GORASP1: variants seen among roughly 807,000 people sequenced by gnomAD.
GORASP1 encodes the protein Golgi reassembly-stacking protein 1.
Under a neutral mutation model 37.7 loss-of-function variants are expected in GORASP1, and 31 were observed. The ratio of observed to expected loss-of-function variants is 0.82; its 90% CI spans 0.62 to 1.11. The LOEUF (loss-of-function observed/expected upper bound fraction) is 1.11. GORASP1 is among the 50% of genes least tolerant of loss of function. The pLI is 0.00. For synonymous variants in GORASP1, 204 were observed against 224.8 expected, an observed-to-expected ratio of 0.91 and a Z score of 0.83; for missense variants, 476 against 560.7, an observed-to-expected ratio of 0.85 and a Z score of 1.53.
Position 39,103,410 on chromosome 3 carries a change from G to A in GORASP1, c.144+63C>T, listed in dbSNP as rs2035843836. ...GAAGGGTAGACTGGGGCCCCCTGTG[G>A]GACAGATGAAGACACACAAACACAC... On this transcript the variant is annotated intron_variant, in intron 2 of 8. Transcript: ENST00000319283. The surrounding 1 kb of genome is among the most constrained non-coding windows in gnomAD (Gnocchi z 5.2). The A allele has an allele frequency of 1.4e-6, 2 of 1,386,576 alleles. No individual in the cohort carries two copies. Among genetic ancestry groups the A allele is most frequent in the Admixed American group, 2.0e-5 (1 of 50,424 alleles). The allele number at this position is 1,386,576 out of a possible 1,614,324, so 85.9% of individuals were successfully genotyped here.
chr3:39,104,476 T>G (rs2035913110), intron 1 of GORASP1, among the ~76,000 whole-genome samples: 1 of 152,098 alleles, frequency 6.6e-6, no homozygotes, highest in Non-Finnish European at 1.5e-5. Flanking sequence ...GCCCACACCC[T>G]CAGGTCTTTG....
At position 39,098,915 on chromosome 3, in the gene GORASP1, C is replaced by T; in HGVS notation, c.917-22G>A. ...AAGCCTAGGGGAGGGTGGTGCAGTT[C>T]TTTGCCAGCAAGAAACCCTGACTGC... On this transcript the variant is annotated intron_variant, in intron 7 of 8. Transcript: ENST00000319283. This position sits in a 1 kb window ranked among gnomAD's most constrained non-coding sequence, Gnocchi z 4.7. 6.2e-7 allele frequency: 1 copy of T among 1,612,668 alleles called. No homozygotes were observed. Among genetic ancestry groups the T allele is most frequent in the African/African-American group, 1.3e-5 (1 of 75,032 alleles).
In GORASP1 at chr3:39,098,333, G is replaced by A. The variant is rs369696407; in HGVS notation, c.1226C>T (p.Ala409Val). The A allele has an allele frequency of 5.1e-5, 82 of 1,614,108 alleles. No homozygotes were observed. The highest frequency in any genetic ancestry group is 6.9e-5 in the Non-Finnish European group (82 of 1,180,048). Residue 409 changes from alanine to valine, a missense_variant, in exon 9 of 9, where the codon GCT becomes GTT. Coordinates refer to ENST00000319283, the MANE Select transcript of GORASP1 (RefSeq NM_031899.4). This position sits in a 1 kb window ranked among gnomAD's most constrained non-coding sequence, Gnocchi z 4.7. Reference sequence around the variant, plus strand: ...GCTTGCTGGTTCCTCCTCAGCCTGAGCTTCAAGCAGCTCGGCGGACAGCCC... The same window carrying A: ...GCTTGCTGGTTCCTCCTCAGCCTGAACTTCAAGCAGCTCGGCGGACAGCCC... Reference protein sequence around the residue: ...EDGLSAELLEAQAEEEPASTE... With the variant: ...EDGLSAELLEVQAEEEPASTE...
rs570177373 is a variant in GORASP1, at chr3:39,097,490, G to A, written c.*746C>T. 6.6e-6 allele frequency: 1 copy of A among 152,416 alleles called. No homozygotes were observed. The highest frequency in any genetic ancestry group is 2.1e-4 in the South Asian group (1 of 4,830). 9.4% of individuals were successfully genotyped at this position (152,416 alleles called of 1,614,324 possible). ...TGGATAGACCTAGTCAGGTAGACTGGCTTTGAGAAATTGCTTAGGGTGTTG... is the reference window on the plus strand; with the variant it reads ...TGGATAGACCTAGTCAGGTAGACTGACTTTGAGAAATTGCTTAGGGTGTTG... On this transcript the variant is annotated 3_prime_UTR_variant, in exon 9 of 9. Coordinates refer to ENST00000319283, the MANE Select transcript of GORASP1 (RefSeq NM_031899.4).
In GORASP1 at chr3:39,098,970, C is replaced by T; in HGVS notation, c.917-77G>A. ...AAGCAGCACCCTGGGCTCACCTTGC[C>T]TAGGGCATCTGGCCCAGCCTGTGAG... On this transcript the variant is annotated intron_variant, in intron 7 of 8. Transcript: ENST00000319283. The surrounding 1 kb of genome is among the most constrained non-coding windows in gnomAD (Gnocchi z 4.7). 1 of 1,569,518 alleles carries T rather than the reference C, an allele frequency of 6.4e-7. No individual in the cohort carries two copies.
chr3:39,107,627 C>CG, upstream of GORASP1: 1 of 1,360,064 alleles, frequency 7.4e-7, no homozygotes, highest in Non-Finnish European at 1.0e-6. Context: ...CTCGCTCTCT[C>CG]GGCGCTCGAT....
At position 39,102,989 on chromosome 3, in the gene GORASP1, C is replaced by T. The variant is rs868254488; in HGVS notation, c.145-108G>A. The T allele has an allele frequency of 4.8e-6, 5 of 1,042,202 alleles. No individual in the cohort carries two copies. The Middle Eastern group carries it at 6.1e-4, about 127-fold the overall frequency. The allele number at this position is 1,042,202 out of a possible 1,614,324, so 64.6% of individuals were successfully genotyped here. A position where few individuals can be genotyped will look rare whatever the true frequency, so the allele number is the denominator to read the frequency against. Reference sequence around the variant, plus strand: ...AAGGGCCTTAGTGGGCAGCAGCCCTCAGCAGGGTCACTGTGGGGATGGGCC... The same window carrying T: ...AAGGGCCTTAGTGGGCAGCAGCCCTTAGCAGGGTCACTGTGGGGATGGGCC... On this transcript the variant is annotated intron_variant, in intron 2 of 8. Transcript: ENST00000319283. The surrounding 1 kb of genome is among the most constrained non-coding windows in gnomAD (Gnocchi z 5.0).
At position 39,101,002 on chromosome 3, in the gene GORASP1, T is replaced by A. The variant is rs571443821; in HGVS notation, c.435+14A>T. 6.2e-7 allele frequency: 1 copy of A among 1,614,098 alleles called. No homozygotes were observed. Among genetic ancestry groups the A allele is most frequent in the East Asian group, 2.2e-5 (1 of 44,892 alleles). ...CCAGAGGGTCTGGGGAGGGGCAAAT[T>A]GCGGGTTCCTCACCTCCTGGAGAAT... On this transcript the variant is annotated intron_variant, in intron 4 of 8. Coordinates refer to ENST00000319283, the MANE Select transcript of GORASP1 (RefSeq NM_031899.4).
In GORASP1 at chr3:39,107,614, C is replaced by T; in HGVS notation, c.-73G>A. On this transcript the variant is annotated 5_prime_UTR_variant, in exon 1 of 9. Coordinates refer to ENST00000319283, the MANE Select transcript of GORASP1 (RefSeq NM_031899.4). ...CGGACCGACCCGACGCCAGTAGCAC[C>T]GACTCGCTCTCTCGGCGCTCGATTC... 2.2e-6 allele frequency: 3 copies of T among 1,388,708 alleles called. No individual in the cohort carries two copies. The highest frequency in any genetic ancestry group is 2.9e-6 in the Non-Finnish European group (3 of 1,034,338). The allele number at this position is 1,388,708 out of a possible 1,614,324, so 86.0% of individuals were successfully genotyped here. A position where few individuals can be genotyped will look rare whatever the true frequency, so the allele number is the denominator to read the frequency against.
Position 39,102,828 on chromosome 3 carries a change from G to A in GORASP1, c.198C>T (p.Pro66=), listed in dbSNP as rs950107047. The change falls in exon 3 of 9, where the codon CCC becomes CCT. Residue 66 remains proline, a synonymous_variant. Coordinates refer to ENST00000319283, the MANE Select transcript of GORASP1 (RefSeq NM_031899.4). This position sits in a 1 kb window ranked among gnomAD's most constrained non-coding sequence, Gnocchi z 5.0. ...KALLKANVEK[P]VKLEVFNMKT... ...TCATATTGAACACCTCCAGCTTCAC[G>A]GGCTTCTCCACATTGGCTTTCAGTA... 5.0e-6 allele frequency: 8 copies of A among 1,614,032 alleles called. No homozygotes were observed. The highest frequency in any genetic ancestry group is 4.0e-5 in the African/African-American group (3 of 74,900).
chr3:39,096,884 A>G lies in GORASP1; in HGVS notation c.*1352T>C, dbSNP rs895284274. On this transcript the variant is annotated 3_prime_UTR_variant, in exon 9 of 9. Transcript: ENST00000319283. ...TTTGGGTCAGACTGCCAGGCTACAGAGTTAAGGGAAGCTGGCCCCAGAACA... is the reference window on the plus strand; with the variant it reads ...TTTGGGTCAGACTGCCAGGCTACAGGGTTAAGGGAAGCTGGCCCCAGAACA... 1 of 152,184 alleles carries G rather than the reference A, an allele frequency of 6.6e-6. No homozygotes were observed. The allele number at this position is 152,184 out of a possible 1,614,324, so 9.4% of individuals were successfully genotyped here.
At chr3:39,099,543 A>G in intron 6 of GORASP1, 40 bp from the exon 7 acceptor site, 5 of 1,588,950 alleles carry the variant, frequency 3.1e-6, no homozygotes, top group Non-Finnish European at 3.4e-6. Flanking sequence ...CAATCAGGAC[A>G]GTGCCTCAAG....
chr3:39,107,377 G>A, intron 1 of GORASP1, 102 bp downstream of exon 1: 1 of 768,522 alleles, frequency 1.3e-6, no homozygotes, highest in Non-Finnish European at 1.8e-6. Flanking sequence ...AAACACTCGG[G>A]CCGGGACCCC....
At position 39,098,587 on chromosome 3, in the gene GORASP1, GGTTT is replaced by G; in HGVS notation, c.1070-102_1070-99del. The G allele has an allele frequency of 6.6e-7, 1 of 1,510,348 alleles. No homozygotes were observed. 93.6% of individuals were successfully genotyped at this position (1,510,348 alleles called of 1,614,324 possible). On this transcript the variant is annotated intron_variant, in intron 8 of 8. Transcript: ENST00000319283. This position sits in a 1 kb window ranked among gnomAD's most constrained non-coding sequence, Gnocchi z 4.7. ...CCGACCGCTCCCCATTGCCACTCCA[GGTTT>G]GATGGGGGATTGGAGATGGAGTGTA... is the stretch of plus-strand genomic sequence containing the variant.
chr3:39,103,976 A>G lies in GORASP1; in HGVS notation c.64-423T>C, dbSNP rs763731227. On this transcript the variant is annotated intron_variant, in intron 1 of 8. Transcript: ENST00000319283. This position sits in a 1 kb window ranked among gnomAD's most constrained non-coding sequence, Gnocchi z 5.2. ...GCCCTGACGTGCAGTGGAAGTGGGC[A>G]GGCCTCGGGAGGGATACACCCAGGG... Among the ~76,000 whole-genome samples the G allele has an allele frequency of 2.6e-5, 4 of 152,322 alleles. No individual in the cohort carries two copies. Among genetic ancestry groups the G allele is most frequent in the Non-Finnish European group, 4.4e-5 (3 of 68,008 alleles).
At chr3:39,099,883 C>CA (rs2035587296) in intron 6 of GORASP1, among the ~76,000 whole-genome samples, 1 of 152,180 alleles carries the variant, frequency 6.6e-6, no homozygotes, top group African/African-American at 2.4e-5. Flanking sequence ...CCCAAGGCAC[C>CA]AGCCCAGTGC....
intron 1 of GORASP1, among the ~76,000 whole-genome samples, chr3:39,106,544 TG>T (rs898886983): frequency 6.6e-6 from 1 of 152,158 alleles, no homozygotes; most frequent in African/African-American, 2.4e-5. Context: ...CCCTCTCATG[TG>T]GTTAGCTGGC....
intron 1 of GORASP1, 108 bp downstream of exon 1, chr3:39,107,371 A>G (rs2125718737): frequency 1.4e-6 from 1 of 706,910 alleles, no homozygotes; most frequent in Admixed American, 4.6e-5. Context: ...AGGCGGAAAC[A>G]CTCGGGCCGG....
At position 39,098,091 on chromosome 3, in the gene GORASP1, G is replaced by T; in HGVS notation, c.*145C>A. 2.2e-6 allele frequency: 2 copies of T among 926,728 alleles called. No homozygotes were observed. Among genetic ancestry groups the T allele is most frequent in the Non-Finnish European group, 3.2e-6 (2 of 617,118 alleles). The allele number at this position is 926,728 out of a possible 1,614,324, so 57.4% of individuals were successfully genotyped here. ...CGGCCAAAAGATATCCTCCCACAAGGCCCATGGCCCCCTCTCACCACCCAC... is the reference window on the plus strand; with the variant it reads ...CGGCCAAAAGATATCCTCCCACAAGTCCCATGGCCCCCTCTCACCACCCAC... On this transcript the variant is annotated 3_prime_UTR_variant, in exon 9 of 9. Coordinates refer to ENST00000319283, the MANE Select transcript of GORASP1 (RefSeq NM_031899.4). This position sits in a 1 kb window ranked among gnomAD's most constrained non-coding sequence, Gnocchi z 4.7.
Sources: gnomAD v4.1 joint callset for allele counts (sites outside exome capture counted in the v4.1 genomes callset) on GRCh38, gnomAD v4.1.1 for gene constraint, Gnocchi (gnomAD v3.1) non-coding constraint, MANE v1.5 for transcripts, NCBI Gene and HGNC (gene_info 2026-07-23, HGNC 2026-07-21) for gene names.